TAF13: variants seen among roughly 807,000 people sequenced by gnomAD.
TAF13 encodes the protein TATA-box binding protein associated factor 13, also known as transcription initiation factor TFIID subunit 13.
TAF13 carries 9 observed loss-of-function variants against 18.7 expected under a neutral mutation model. That is an observed-to-expected ratio of 0.48 (90% CI 0.29 to 0.84). The LOEUF (loss-of-function observed/expected upper bound fraction) is 0.84, where lower values mean the gene tolerates loss of function less well. Ranked by LOEUF, TAF13 falls within the 40% of genes least tolerant of loss-of-function variation. The pLI is 0.08. For missense variants in TAF13, 105 were observed against 146.5 expected (o/e 0.72, Z 1.46); for synonymous variants, 49 against 44.1 (o/e 1.11, Z -0.44).
At chr1:109,075,392 T>C (rs1012840837) in intron 1 of TAF13, among the ~76,000 whole-genome samples, 5 of 152,236 alleles carry the variant, frequency 3.3e-5, no homozygotes, top group African/African-American at 1.2e-4. Context: ...TGAATCAAAG[T>C]CTACCTTTGT....
rs771567797 is a variant in TAF13, at chr1:109,064,412, G to T, written c.*111C>A. ...TAAAAATAAAGGCTGAAAACTTTGT[G>T]TTTCTCCATCTTTCATTTACATGGC... On this transcript the variant is annotated 3_prime_UTR_variant, in exon 4 of 4. Coordinates refer to ENST00000338366, the MANE Select transcript of TAF13 (RefSeq NM_005645.4). 3.4e-5 allele frequency: 36 copies of T among 1,055,262 alleles called. No individual in the cohort carries two copies. Among genetic ancestry groups the T allele is most frequent in the Middle Eastern group, 3.5e-4 (1 of 2,838 alleles). The allele number at this position is 1,055,262 out of a possible 1,614,324, so 65.4% of individuals were successfully genotyped here. A position where few individuals can be genotyped will look rare whatever the true frequency, so the allele number is the denominator to read the frequency against.
At chr1:109,066,860 C>G (rs1663959455) in intron 2 of TAF13, among the ~76,000 whole-genome samples, 1 of 152,072 alleles carries the variant, frequency 6.6e-6, no homozygotes, top group Non-Finnish European at 1.5e-5. Flanking sequence ...GCTGGGACTA[C>G]AGGCACCCAC....
intron 2 of TAF13, among the ~76,000 whole-genome samples, chr1:109,067,011 G>A (rs751269888): frequency 3.6e-4 from 54 of 152,082 alleles, no homozygotes; most frequent in Middle Eastern, 3.4e-3. Context: ...GAGCCACCGC[G>A]CCCAGCCCCA....
At chr1:109,072,079 C>CATATATATATAT in intron 2 of TAF13, among the ~76,000 whole-genome samples, 1 of 4,728 alleles carries the variant, frequency 2.1e-4, no homozygotes, top group African/African-American at 7.4e-4. Context: ...TATATATACA[C>CATATATATATAT]ACACATATAT....
In TAF13 at chr1:109,064,529, T is replaced by C; in HGVS notation, c.369A>G (p.Gly123=). 6.7e-7 allele frequency: 1 copy of C among 1,495,412 alleles called. No individual in the cohort carries two copies. The highest frequency in any genetic ancestry group is 8.9e-7 in the Non-Finnish European group (1 of 1,120,838). The allele number at this position is 1,495,412 out of a possible 1,614,324, so 92.6% of individuals were successfully genotyped here. A position where few individuals can be genotyped will look rare whatever the true frequency, so the allele number is the denominator to read the frequency against. ...TCGGAAACTACAAAAAGTGTCAAGA[T>C]CCATAATTTGCTTCATCAAATGCTT... is the stretch of plus-strand genomic sequence containing the variant. ...ARKAFDEANY[G]S is the part of the protein sequence containing the mutation. The change falls in exon 4 of 4, where the codon GGA becomes GGG. Residue 123 remains glycine, a synonymous_variant. Coordinates refer to ENST00000338366, the MANE Select transcript of TAF13 (RefSeq NM_005645.4).
chr1:109,068,957 A>G (rs1441444817), intron 2 of TAF13, among the ~76,000 whole-genome samples: 1 of 152,188 alleles, frequency 6.6e-6, no homozygotes, highest in Non-Finnish European at 1.5e-5. Flanking sequence ...AGCTGAGATC[A>G]TGCCAATGCA....
intron 2 of TAF13, among the ~76,000 whole-genome samples, chr1:109,071,860 G>C (rs144942665): frequency 0.066 from 10,014 of 150,638 alleles, 395 homozygotes; most frequent in African/African-American, 0.1. Context: ...GCTGAAGCAG[G>C]AGAGTCGCTT....
In TAF13 at chr1:109,071,957, AATATATATATATATATATACACAC is replaced by A. The variant is rs1557985828; in HGVS notation, c.106+3006_106+3029del. Among the ~76,000 whole-genome samples, 10 of 87,842 alleles carry A rather than the reference AATATATATATATATATATACACAC, an allele frequency of 1.1e-4. 1 individual carries two copies. The highest frequency in any genetic ancestry group is 4.6e-4 in the African/African-American group (9 of 19,758). The allele number at this position is 87,842 out of a possible 152,430, so 57.6% of individuals were successfully genotyped here. A position where few individuals can be genotyped will look rare whatever the true frequency, so the allele number is the denominator to read the frequency against. On this transcript the variant is annotated intron_variant, in intron 2 of 3. Transcript: ENST00000338366. ...CAGTGAGACTCTGTCTCAAAAAGAA[AATATATATATATATATATACACAC>A]ATATATATATATATATATATATATA...
intron 2 of TAF13, among the ~76,000 whole-genome samples, chr1:109,067,075 T>TA (rs1350776126): frequency 6.6e-6 from 1 of 152,136 alleles, no homozygotes; most frequent in Non-Finnish European, 1.5e-5. Flanking sequence ...GCAGAGGGCT[T>TA]ACTACAAGGA....
intron 2 of TAF13, among the ~76,000 whole-genome samples, chr1:109,072,005 TATATATATACACACAC>T (rs1328384274): frequency 8.3e-3 from 18 of 2,170 alleles, no homozygotes; most frequent in South Asian, 0.068. Flanking sequence ...TATATATATA[TATATATATACACACAC>T]ATATATATAT....
At chr1:109,066,074 A>G in intron 3 of TAF13, 61 bp downstream of exon 3, 5 of 1,430,042 alleles carry the variant, frequency 3.5e-6, no homozygotes, top group Non-Finnish European at 4.9e-6. Context: ...AGTCTTACCT[A>G]AAGTTTAATA....
rs183456650 is a variant in TAF13, at chr1:109,064,641, A to G, written c.257T>C (p.Ile86Thr). 1.3e-5 allele frequency: 21 copies of G among 1,573,458 alleles called. No individual in the cohort carries two copies. Among genetic ancestry groups the G allele is most frequent in the South Asian group, 6.0e-5 (5 of 83,934 alleles). ...TGGGTCCTTTCGAATCAAGAAGACG[A>G]TATCTTCAACTTGTACTCGACCTTG... is the stretch of plus-strand genomic sequence containing the variant. ...GRQGRVQVEDIVFLIRKDPRK... is the reference protein window; with the variant it reads ...GRQGRVQVEDTVFLIRKDPRK... The change falls in exon 4 of 4, where the codon ATC (isoleucine) becomes ACC (threonine). Residue 86 changes from isoleucine to threonine, a missense_variant. Coordinates refer to ENST00000338366, the MANE Select transcript of TAF13 (RefSeq NM_005645.4).
intron 2 of TAF13, among the ~76,000 whole-genome samples, chr1:109,073,858 G>A (rs981749170): frequency 8.6e-5 from 13 of 151,854 alleles, no homozygotes; most frequent in African/African-American, 2.9e-4. Context: ...ACCTCTGCCC[G>A]GCCGCCCCGT....
At chr1:109,071,490 G>A (rs189342505) in intron 2 of TAF13, among the ~76,000 whole-genome samples, 19 of 149,900 alleles carry the variant, frequency 1.3e-4, no homozygotes, top group East Asian at 1.2e-3. Context: ...TGCACCTATA[G>A]TCCCAGCTAT....
At chr1:109,066,292 T>C (rs1266624095) in intron 2 of TAF13, 60 bp from the exon 3 acceptor site, 4 of 1,360,410 alleles carry the variant, frequency 2.9e-6, no homozygotes, top group East Asian at 2.4e-5. Flanking sequence ...TTTGATACTT[T>C]AAAAAAATAA....
At chr1:109,067,436 T>TA (rs71069643) in intron 2 of TAF13, among the ~76,000 whole-genome samples, 15,271 of 130,820 alleles carry the variant, frequency 0.12, 1,440 homozygotes, top group African/African-American at 0.28. Context: ...CTGTTTCTAC[T>TA]AAAAAAAAAA....
chr1:109,066,076 A>G, intron 3 of TAF13, 59 bp downstream of exon 3: 1 of 1,435,926 alleles, frequency 7.0e-7, no homozygotes, highest in Non-Finnish European at 9.7e-7. Flanking sequence ...TCTTACCTAA[A>G]GTTTAATATT....
chr1:109,073,689 T>G (rs1664121032), intron 2 of TAF13, among the ~76,000 whole-genome samples: 1 of 152,130 alleles, frequency 6.6e-6, no homozygotes, highest in Admixed American at 6.5e-5. Flanking sequence ...CAGGCTGGAG[T>G]GCAGTGGCGT....
intron 2 of TAF13, among the ~76,000 whole-genome samples, chr1:109,069,459 GA>G (rs1219199939): frequency 6.6e-6 from 1 of 151,850 alleles, no homozygotes; most frequent in East Asian, 1.9e-4. Context: ...TAGTGACAAG[GA>G]AAAAAGTCTA....
Sources: allele counts gnomAD v4.1 joint callset (sites outside exome capture counted in the v4.1 genomes callset), GRCh38; gene constraint gnomAD v4.1.1; transcripts MANE v1.5; gene names NCBI Gene and HGNC (gene_info 2026-07-23, HGNC 2026-07-21).